The following NXPE2 variants were observed in gnomAD, a reference collection of about 807,000 sequenced individuals.
NXPE2 encodes the protein NXPE family member 2.
A neutral mutation model predicts 34.4 loss-of-function variants in NXPE2; 34 were observed. The observed-to-expected ratio is 0.99, with a 90% confidence interval of 0.75 to 1.31. The LOEUF (loss-of-function observed/expected upper bound fraction) is 1.31. Among genes scored for constraint, NXPE2 ranks in the 40% most tolerant of loss-of-function variants. The probability of loss-of-function intolerance (pLI) is 0.00; values close to 1 mark genes in which losing one functional copy is unlikely to be tolerated. For synonymous variants in NXPE2, 235 were observed against 231.3 expected (o/e 1.02, Z -0.15); for missense variants, 649 against 672.5 (o/e 0.97, Z 0.39).
downstream of NXPE2, among the ~76,000 whole-genome samples, chr11:114,708,377 A>G (rs1333396277): frequency 1.3e-5 from 2 of 152,100 alleles, no homozygotes; most frequent in Non-Finnish European, 2.9e-5. Context: ...TCAAATGACA[A>G]ATTTTGTCTC....
chr11:114,545,669 T>C, the NXPE2 span, among the ~76,000 whole-genome samples: 1 of 151,918 alleles, frequency 6.6e-6, no homozygotes. Flanking sequence ...GCTCATTGAA[T>C]CTTATAACAC....
At chr11:114,585,829 C>T in the NXPE2 span, among the ~76,000 whole-genome samples, 21 of 152,102 alleles carry the variant, frequency 1.4e-4, no homozygotes, top group Non-Finnish European at 2.5e-4. Flanking sequence ...TGAAAACTTG[C>T]ATGGGTGAAT....
the NXPE2 span, among the ~76,000 whole-genome samples, chr11:114,635,043 A>G: frequency 1.3e-5 from 2 of 151,940 alleles, no homozygotes; most frequent in Admixed American, 6.6e-5. Flanking sequence ...GAGTCTATAA[A>G]TTACCTTGGG....
the NXPE2 span, among the ~76,000 whole-genome samples, chr11:114,621,763 T>C: frequency 6.6e-6 from 1 of 152,148 alleles, no homozygotes; most frequent in Non-Finnish European, 1.5e-5. Context: ...TAATAGGTAT[T>C]GCCTCATGGG....
chr11:114,768,835 C>A, the NXPE2 span, among the ~76,000 whole-genome samples: 1 of 151,706 alleles, frequency 6.6e-6, no homozygotes, highest in Non-Finnish European at 1.5e-5. Context: ...TCTAAATATA[C>A]AATCTAAAAC....
At chr11:114,786,653 C>A in the NXPE2 span, among the ~76,000 whole-genome samples, 1 of 152,112 alleles carries the variant, frequency 6.6e-6, no homozygotes, top group African/African-American at 2.4e-5. Flanking sequence ...CGAAAAATAT[C>A]TTTTAGGGAG....
At chr11:114,705,247 A>G (rs761800348) in intron 4 of NXPE2, among the ~76,000 whole-genome samples, 1 of 152,196 alleles carries the variant, frequency 6.6e-6, no homozygotes, top group Non-Finnish European at 1.5e-5. Flanking sequence ...AGTTCTAGAC[A>G]TGACAATTAA....
chr11:114,484,390 C>T, the NXPE2 span, among the ~76,000 whole-genome samples: 1 of 152,144 alleles, frequency 6.6e-6, no homozygotes, highest in African/African-American at 2.4e-5. Flanking sequence ...TTGATGACTG[C>T]ATGTGCTCTC....
At chr11:114,538,009 C>T in the NXPE2 span, among the ~76,000 whole-genome samples, 54 of 152,158 alleles carry the variant, frequency 3.5e-4, 1 homozygote, top group African/African-American at 9.6e-4. Flanking sequence ...GGAGGCATCC[C>T]GCTACCTGAC....
chr11:114,543,112 T>C, the NXPE2 span, among the ~76,000 whole-genome samples: 4 of 151,956 alleles, frequency 2.6e-5, no homozygotes, highest in East Asian at 1.9e-4. Context: ...AGAAATCACT[T>C]TGGGAGGCTG....
At chr11:114,683,836 A>G (rs948749001) in intron 2 of NXPE2, among the ~76,000 whole-genome samples, 1 of 152,196 alleles carries the variant, frequency 6.6e-6, no homozygotes, top group Non-Finnish European at 1.5e-5. Flanking sequence ...GAAATAAGCT[A>G]CTAACAATAA....
chr11:114,572,646 TAACTC>T, the NXPE2 span, among the ~76,000 whole-genome samples: 1 of 151,982 alleles, frequency 6.6e-6, no homozygotes, highest in African/African-American at 2.4e-5. Flanking sequence ...GCTTTAGAAT[TAACTC>T]AATCCATCAA....
the NXPE2 span, among the ~76,000 whole-genome samples, chr11:114,639,256 T>C: frequency 4.6e-5 from 7 of 152,006 alleles, no homozygotes; most frequent in African/African-American, 1.7e-4. Context: ...TCTGTGGGCA[T>C]AGGACCCTCC....
chr11:114,813,456 C>T, the NXPE2 span, among the ~76,000 whole-genome samples: 1 of 152,232 alleles, frequency 6.6e-6, no homozygotes, highest in African/African-American at 2.4e-5. Context: ...ATGGCATCTG[C>T]GAGCTGCAGC....
the NXPE2 span, among the ~76,000 whole-genome samples, chr11:114,494,168 G>A: frequency 1.3e-5 from 2 of 152,052 alleles, no homozygotes; most frequent in Non-Finnish European, 2.9e-5. Flanking sequence ...TATTAAATGC[G>A]TTGAGGTCGT....
chr11:114,786,110 T>G, the NXPE2 span, among the ~76,000 whole-genome samples: 1 of 152,202 alleles, frequency 6.6e-6, no homozygotes, highest in African/African-American at 2.4e-5. Flanking sequence ...CTATGCTAGT[T>G]GAGGAGCCCA....
chr11:114,756,884 G>A, the NXPE2 span, among the ~76,000 whole-genome samples: 2 of 152,290 alleles, frequency 1.3e-5, no homozygotes, highest in East Asian at 3.9e-4. Flanking sequence ...ATGAGGCTGA[G>A]GTCTTGGTGG....
At chr11:114,745,042 A>C in the NXPE2 span, among the ~76,000 whole-genome samples, 16 of 152,230 alleles carry the variant, frequency 1.1e-4, no homozygotes, top group Admixed American at 1.0e-3. Context: ...ATAAATATTC[A>C]TGAGAATTTA....
At chr11:114,595,209 C>T in the NXPE2 span, among the ~76,000 whole-genome samples, 1 of 152,248 alleles carries the variant, frequency 6.6e-6, no homozygotes, top group Admixed American at 6.5e-5. Flanking sequence ...TTTTCTGTTT[C>T]ATTAATGCCA....
Sources: allele counts gnomAD v4.1 joint callset (sites outside exome capture counted in the v4.1 genomes callset), GRCh38; gene constraint gnomAD v4.1.1; transcripts MANE v1.5; gene names NCBI Gene and HGNC (gene_info 2026-07-23, HGNC 2026-07-21).